The following CACNG7 variants were observed in gnomAD, a reference collection of about 807,000 sequenced individuals.
CACNG7 encodes calcium voltage-gated channel auxiliary subunit gamma 7, also known as voltage-dependent calcium channel gamma-7 subunit.
Under a neutral mutation model 26.3 loss-of-function variants are expected in CACNG7, and 9 were observed. The observed-to-expected ratio is 0.34, with a 90% CI of 0.21 to 0.60. The LOEUF (loss-of-function observed/expected upper bound fraction) is 0.60, where lower values mean the gene tolerates loss of function less well. CACNG7 is among the 20% of genes least tolerant of loss of function. The probability of loss-of-function intolerance (pLI) is 0.81; values close to 1 mark genes in which losing one functional copy is unlikely to be tolerated. For synonymous variants in CACNG7, 170 were observed against 157.0 expected (o/e 1.08, Z -0.62); for missense variants, 297 against 380.4 (o/e 0.78, Z 1.82).
chr19:53,934,555 G>A (rs973927130), intron 4 of CACNG7, among the ~76,000 whole-genome samples: 2 of 151,936 alleles, frequency 1.3e-5, no homozygotes, highest in African/African-American at 4.8e-5. Flanking sequence ...CGAGAGGATT[G>A]CTTGAGCCTA....
rs2069124040 is a variant in CACNG7, at chr19:53,939,336, A to T, written c.425-2134A>T. On this transcript the variant is annotated intron_variant, in intron 4 of 5. Transcript: ENST00000391767. The surrounding 1 kb of genome is among the most constrained non-coding windows in gnomAD (Gnocchi z 4.2). ...ATTTCATATAATTCAGTGATGTTTC[A>T]GTACATCCACAAGGTTGTGCAACCA... Among the ~76,000 whole-genome samples, 1 of 152,230 alleles carries T rather than the reference A, an allele frequency of 6.6e-6. No individual in the cohort carries two copies. Among genetic ancestry groups the T allele is most frequent in the African/African-American group, 2.4e-5 (1 of 41,474 alleles).
At chr19:53,930,074 C>CA (rs35004784) in intron 4 of CACNG7, among the ~76,000 whole-genome samples, 37,363 of 92,544 alleles carry the variant, frequency 0.4, 6,869 homozygotes, top group South Asian at 0.57. Flanking sequence ...CTACATGCTA[C>CA]AAAAAAAAAA....
intron 4 of CACNG7, among the ~76,000 whole-genome samples, chr19:53,935,787 C>T (rs1429954035): frequency 1.3e-5 from 2 of 151,640 alleles, no homozygotes; most frequent in East Asian, 3.9e-4. Context: ...ATTACAGGCA[C>T]CCACCACCAT....
intron 4 of CACNG7, 69 bp downstream of exon 4, chr19:53,915,574 C>T (rs1196155123): frequency 1.3e-6 from 2 of 1,564,824 alleles, no homozygotes; most frequent in African/African-American, 2.7e-5. Context: ...TCCTTTTCCA[C>T]TTAGCCACTT....
intron 4 of CACNG7, among the ~76,000 whole-genome samples, chr19:53,931,272 T>C (rs1012285320): frequency 2.6e-5 from 4 of 152,246 alleles, no homozygotes; most frequent in Admixed American, 2.0e-4. Flanking sequence ...GGACGTTTTA[T>C]AATTCCATAA....
At chr19:53,930,641 G>T (rs2069065693) in intron 4 of CACNG7, among the ~76,000 whole-genome samples, 2 of 152,038 alleles carry the variant, frequency 1.3e-5, no homozygotes, top group Non-Finnish European at 2.9e-5. Context: ...CCAAAGTGCT[G>T]GGATTACAGG....
At chr19:53,928,711 G>A (rs2069050578) in intron 4 of CACNG7, among the ~76,000 whole-genome samples, 1 of 152,124 alleles carries the variant, frequency 6.6e-6, no homozygotes, top group Non-Finnish European at 1.5e-5. Flanking sequence ...TTTCTCCTGT[G>A]GACAATGAGG....
chr19:53,924,747 C>G (rs2069009136), intron 4 of CACNG7, among the ~76,000 whole-genome samples: 2 of 139,236 alleles, frequency 1.4e-5, no homozygotes, highest in African/African-American at 2.7e-5. Context: ...CAGGTCTGGT[C>G]ATTGGTGGAC....
chr19:53,929,602 G>A (rs545055438), intron 4 of CACNG7, among the ~76,000 whole-genome samples: 37 of 152,010 alleles, frequency 2.4e-4, no homozygotes, highest in African/African-American at 8.0e-4. Flanking sequence ...GATTACAGGC[G>A]CCCGCCACCA....
chr19:53,924,788 C>CCCAGG (rs1423103740), intron 4 of CACNG7, among the ~76,000 whole-genome samples: 4 of 135,646 alleles, frequency 2.9e-5, no homozygotes, highest in South Asian at 2.3e-4. Context: ...GTGGACTTGC[C>CCCAGG]TAGTGCTGGT....
intron 4 of CACNG7, among the ~76,000 whole-genome samples, chr19:53,923,091 T>C (rs562129486): frequency 7.9e-6 from 1 of 126,626 alleles, no homozygotes; most frequent in South Asian, 2.8e-4. Flanking sequence ...TTGGTGGAGT[T>C]GTCCCAGGCT....
chr19:53,923,870 T>C (rs1226174157), intron 4 of CACNG7, among the ~76,000 whole-genome samples: 3 of 137,302 alleles, frequency 2.2e-5, no homozygotes, highest in African/African-American at 9.0e-5. Context: ...TTGGTGGAGT[T>C]GCCCCAGGCC....
chr19:53,932,874 G>T (rs1343861380), intron 4 of CACNG7, among the ~76,000 whole-genome samples: 1 of 135,392 alleles, frequency 7.4e-6, no homozygotes, highest in African/African-American at 2.8e-5. Flanking sequence ...CGCTCTTGTC[G>T]TCCAGGCACT....
intron 4 of CACNG7, among the ~76,000 whole-genome samples, chr19:53,929,812 A>G (rs1174397417): frequency 6.6e-6 from 1 of 152,168 alleles, no homozygotes; most frequent in Non-Finnish European, 1.5e-5. Context: ...GGAAGTTCAG[A>G]GCAAGGGAAA....
chr19:53,928,020 G>T (rs548722067), intron 4 of CACNG7, among the ~76,000 whole-genome samples: 1 of 151,684 alleles, frequency 6.6e-6, no homozygotes, highest in Admixed American at 6.6e-5. Context: ...AGTTGAGGGG[G>T]TGGGAGGAGA....
Position 53,939,299 on chromosome 19 carries a change from C to T in CACNG7, c.425-2171C>T, listed in dbSNP as rs2069123871. On this transcript the variant is annotated intron_variant, in intron 4 of 5. Transcript: ENST00000391767. This position sits in a 1 kb window ranked among gnomAD's most constrained non-coding sequence, Gnocchi z 4.2. ...CAAAAAACAAAATTGAGATGTAATT[C>T]ACATACTATAAATTTCATATAATTC... Among the ~76,000 whole-genome samples the T allele has an allele frequency of 6.6e-6, 1 of 152,106 alleles. No individual in the cohort carries two copies. Among genetic ancestry groups the T allele is most frequent in the African/African-American group, 2.4e-5 (1 of 41,420 alleles).
At chr19:53,914,414 C>G (rs1599965197) in intron 2 of CACNG7, 86 bp from the exon 3 acceptor site, 2 of 1,098,562 alleles carry the variant, frequency 1.8e-6, no homozygotes, top group Middle Eastern at 2.6e-4. Flanking sequence ...CCTGGGGTCT[C>G]CCCTCTATCT....
At chr19:53,910,574 G>A (rs2145894801) in intron 1 of CACNG7, among the ~76,000 whole-genome samples, 1 of 152,276 alleles carries the variant, frequency 6.6e-6, no homozygotes, top group Non-Finnish European at 1.5e-5. Context: ...AAGATCCCGG[G>A]TATTCAGGGA....
In CACNG7 at chr19:53,912,960, G is replaced by A. The variant is rs376239971; in HGVS notation, c.129G>A (p.Pro43=). Residue 43 remains proline (P), a synonymous_variant, in exon 2 of 6, where the codon CCG becomes CCA. Coordinates refer to ENST00000391767, the MANE Select transcript of CACNG7 (RefSeq NM_031896.5). This position sits in a 1 kb window ranked among gnomAD's most constrained non-coding sequence, Gnocchi z 4.6. ...ACATGGAAGAAGGCACAGTGCTACC[G>A]CAGAACCAGACCACCGAGGTCAAGA... ...WLYMEEGTVL[P]QNQTTEVKMA... is the part of the protein sequence containing the mutation. 27 of 1,613,726 alleles carry A rather than the reference G, an allele frequency of 1.7e-5. No homozygotes were observed. The highest frequency in any genetic ancestry group is 2.2e-5 in the Non-Finnish European group (26 of 1,179,958).
Sources: gnomAD v4.1 joint callset for allele counts (sites outside exome capture counted in the v4.1 genomes callset) on GRCh38, gnomAD v4.1.1 for gene constraint, Gnocchi (gnomAD v3.1) non-coding constraint, MANE v1.5 for transcripts, NCBI Gene and HGNC (gene_info 2026-07-23, HGNC 2026-07-21) for gene names.